Variants in PRKD1 observed in about 807,000 individuals in gnomAD.
PRKD1 encodes protein kinase D1.
In PRKD1, 63 loss-of-function variants were observed where a neutral mutation model predicts 95.9. That is an observed-to-expected ratio of 0.66 (90% CI 0.54 to 0.81). The LOEUF (loss-of-function observed/expected upper bound fraction) is 0.81. Among genes scored for constraint, PRKD1 ranks in the 30% least tolerant of loss-of-function variants. The pLI is 0.00. For synonymous variants in PRKD1, 425 were observed against 423.1 expected (o/e 1.00, Z -0.05); for missense variants, 1,048 against 1,165.3 (o/e 0.90, Z 1.47).
chr14:29,909,403 G>C (rs997379010), intron 1 of PRKD1, among the ~76,000 whole-genome samples: 1 of 151,720 alleles, frequency 6.6e-6, no homozygotes, highest in African/African-American at 2.4e-5. Context: ...GTGGGCACAC[G>C]GTGCAGGACT....
chr14:29,768,102 A>C (rs559720120), intron 1 of PRKD1, among the ~76,000 whole-genome samples: 2 of 152,226 alleles, frequency 1.3e-5, no homozygotes, highest in Non-Finnish European at 2.9e-5. Flanking sequence ...CCTTGCTTGC[A>C]ACATATCACT....
At chr14:29,927,024 C>T (rs1012091925) in intron 1 of PRKD1, among the ~76,000 whole-genome samples, 1 of 151,898 alleles carries the variant, frequency 6.6e-6, no homozygotes, top group African/African-American at 2.4e-5. Context: ...GGAGAGAAAT[C>T]GGTGAATAGA....
At chr14:29,717,557 A>C (rs1301506616) in intron 2 of PRKD1, among the ~76,000 whole-genome samples, 1 of 152,292 alleles carries the variant, frequency 6.6e-6, no homozygotes, top group East Asian at 1.9e-4. Context: ...AATATGATGC[A>C]TATTTCTGAG....
chr14:29,921,830 C>A (rs1895122354), intron 1 of PRKD1, among the ~76,000 whole-genome samples: 1 of 152,134 alleles, frequency 6.6e-6, no homozygotes, highest in Non-Finnish European at 1.5e-5. Flanking sequence ...TGTACTTTTA[C>A]TCTTTCAGAT....
chr14:29,926,189 T>C (rs1448566159), intron 1 of PRKD1, among the ~76,000 whole-genome samples: 1 of 152,188 alleles, frequency 6.6e-6, no homozygotes, highest in African/African-American at 2.4e-5. Context: ...GCAAACTCTG[T>C]TACAAATAAT....
chr14:29,826,217 T>C (rs1891104411), intron 1 of PRKD1, among the ~76,000 whole-genome samples: 1 of 115,506 alleles, frequency 8.7e-6, no homozygotes, highest in Non-Finnish European at 1.7e-5. Flanking sequence ...TATATATACA[T>C]ATATATGATG....
chr14:29,661,565 GTCC>G (rs1474861063), intron 4 of PRKD1, among the ~76,000 whole-genome samples: 1 of 152,130 alleles, frequency 6.6e-6, no homozygotes, highest in Non-Finnish European at 1.5e-5. Flanking sequence ...GGAAATATGT[GTCC>G]TCCTCAAGGT....
intron 1 of PRKD1, among the ~76,000 whole-genome samples, chr14:29,908,346 G>A (rs978221150): frequency 1.3e-5 from 2 of 152,134 alleles, no homozygotes; most frequent in African/African-American, 2.4e-5. Context: ...GCCAGGGATG[G>A]TGTGCAATGG....
chr14:29,837,480 A>G (rs1447054406), intron 1 of PRKD1, among the ~76,000 whole-genome samples: 2 of 152,200 alleles, frequency 1.3e-5, no homozygotes, highest in African/African-American at 4.8e-5. Context: ...ATAAAAGTAA[A>G]GAGGTAATCA....
At chr14:29,887,754 A>G (rs1893776176) in intron 1 of PRKD1, among the ~76,000 whole-genome samples, 1 of 152,200 alleles carries the variant, frequency 6.6e-6, no homozygotes, top group African/African-American at 2.4e-5. Context: ...ACAATTGTCT[A>G]TAGTATTCAG....
At chr14:29,743,334 T>C (rs886895458) in intron 1 of PRKD1, among the ~76,000 whole-genome samples, 5 of 152,142 alleles carry the variant, frequency 3.3e-5, no homozygotes, top group African/African-American at 1.2e-4. Flanking sequence ...CTAATTCACA[T>C]GCCTTTTCAC....
At chr14:29,876,720 CAA>C (rs551606697) in intron 1 of PRKD1, among the ~76,000 whole-genome samples, 1 of 146,642 alleles carries the variant, frequency 6.8e-6, no homozygotes, top group African/African-American at 2.5e-5. Context: ...AACAAACAAA[CAA>C]AAAAAAACAA....
intron 13 of PRKD1, among the ~76,000 whole-genome samples, chr14:29,621,106 A>C (rs1186330100): frequency 6.7e-6 from 1 of 148,738 alleles, no homozygotes; most frequent in Non-Finnish European, 1.5e-5. Flanking sequence ...AAAAACAAAC[A>C]CTGCATGCTC....
chr14:29,795,444 T>C (rs1405092905), intron 1 of PRKD1, among the ~76,000 whole-genome samples: 1 of 152,084 alleles, frequency 6.6e-6, no homozygotes, highest in Non-Finnish European at 1.5e-5. Context: ...ATGTTCCCAT[T>C]ATATGCTCAC....
chr14:29,617,829 G>T (rs1878970011), intron 13 of PRKD1, among the ~76,000 whole-genome samples: 1 of 152,090 alleles, frequency 6.6e-6, no homozygotes, highest in African/African-American at 2.4e-5. Context: ...CATTTGGGGA[G>T]GCTGAGGTGG....
At chr14:29,676,183 G>GTTTTTTTTTTTTTTTTTTT (rs34953735) in intron 2 of PRKD1, among the ~76,000 whole-genome samples, 5 of 67,442 alleles carry the variant, frequency 7.4e-5, no homozygotes, top group Non-Finnish European at 1.1e-4. Flanking sequence ...TTACGTTTTT[G>GTTTTTTTTTTTTTTTTTTT]TTTTTTTTTT....
At chr14:29,839,338 T>C (rs1252246196) in intron 1 of PRKD1, among the ~76,000 whole-genome samples, 1 of 152,160 alleles carries the variant, frequency 6.6e-6, no homozygotes, top group African/African-American at 2.4e-5. Context: ...CTTCAAAGAA[T>C]TGTAATAGGA....
intron 1 of PRKD1, among the ~76,000 whole-genome samples, chr14:29,848,827 G>A (rs1237923765): frequency 2.0e-5 from 3 of 152,178 alleles, no homozygotes; most frequent in African/African-American, 7.2e-5. Flanking sequence ...GAAGGAAGAT[G>A]TAGATAAAGT....
At chr14:29,720,423 T>G (rs982038495) in intron 2 of PRKD1, among the ~76,000 whole-genome samples, 1 of 152,060 alleles carries the variant, frequency 6.6e-6, no homozygotes, top group African/African-American at 2.4e-5. Context: ...CATGTAATAT[T>G]ATCACTGTAT....
Sources: allele counts gnomAD v4.1 joint callset (sites outside exome capture counted in the v4.1 genomes callset), GRCh38; gene constraint gnomAD v4.1.1; transcripts MANE v1.5; gene names NCBI Gene and HGNC (gene_info 2026-07-23, HGNC 2026-07-21).